Variants in CR2 observed in about 807,000 individuals in gnomAD.
The protein encoded by CR2 is complement receptor type 2.
Under a neutral mutation model 123.0 loss-of-function variants are expected in CR2, and 96 were observed. The observed-to-expected ratio is 0.78, with a 90% CI of 0.66 to 0.93. CR2 has a LOEUF of 0.93. Ranked by LOEUF, CR2 falls within the 40% of genes least tolerant of loss-of-function variation. CR2 has a pLI of 0.00. For synonymous variants in CR2, 484 were observed against 469.5 expected (o/e 1.03, Z -0.40); for missense variants, 1,258 against 1,361.0 (o/e 0.92, Z 1.19).
At chr1:207,487,086 C>T (rs1186944071) in intron 19 of CR2, among the ~76,000 whole-genome samples, 3 of 152,140 alleles carry the variant, frequency 2.0e-5, no homozygotes. Flanking sequence ...GCCCTGGATC[C>T]TCCAACATTA....
intron 1 of CR2, among the ~76,000 whole-genome samples, chr1:207,458,063 C>CACACACACACACACACACACACACACAT (rs1657877939): frequency 7.4e-6 from 1 of 134,622 alleles, no homozygotes; most frequent in Non-Finnish European, 1.6e-5. Context: ...GGCCACAACA[C>CACACACACACACACACACACACACACAT]ACACACACAC....
intron 1 of CR2, among the ~76,000 whole-genome samples, chr1:207,456,566 G>A (rs1657839885): frequency 6.6e-6 from 1 of 152,126 alleles, no homozygotes; most frequent in Non-Finnish European, 1.5e-5. Context: ...TTGTCTATTT[G>A]CATAAACAGT....
chr1:207,479,147 TG>T, intron 16 of CR2, 109 bp from the exon 17 acceptor site: 2 of 871,950 alleles, frequency 2.3e-6, no homozygotes. Context: ...TAAATCGACT[TG>T]GAAGGGAGCT....
intron 14 of CR2, among the ~76,000 whole-genome samples, chr1:207,476,019 T>C (rs1040468398): frequency 1.3e-5 from 2 of 152,232 alleles, no homozygotes; most frequent in Non-Finnish European, 2.9e-5. Context: ...CATTATCTTA[T>C]TTTTTAACAC....
Position 207,454,388 on chromosome 1 carries a change from C to G in CR2, c.-31C>G. 1.9e-6 allele frequency: 3 copies of G among 1,557,466 alleles called. No individual in the cohort carries two copies. The highest frequency in any genetic ancestry group is 2.6e-6 in the Non-Finnish European group (3 of 1,157,124). ...TGCCGGACGCTCGCGGGTCTCGGAA[C>G]GCATCCCGCCGCGGGGGCTTCGGCC... is the stretch of plus-strand genomic sequence containing the variant. On this transcript the variant is annotated 5_prime_UTR_variant, in exon 1 of 20. Transcript: ENST00000367057. This position sits in a 1 kb window ranked among gnomAD's most constrained non-coding sequence, Gnocchi z 4.3.
At chr1:207,471,285 A>T (rs1450013815) in intron 8 of CR2, 138 bp from the exon 9 acceptor site, 1 of 891,304 alleles carries the variant, frequency 1.1e-6, no homozygotes, top group African/African-American at 1.6e-5. Context: ...TGCAATGAGA[A>T]GTTGGTGCTG....
intron 2 of CR2, chr1:207,468,325 T>G (rs1426951469): frequency 3.3e-6 from 2 of 605,590 alleles, no homozygotes; most frequent in Middle Eastern, 4.4e-4. Flanking sequence ...ATAAACTTTC[T>G]TAAACCATTA....
intron 6 of CR2, among the ~76,000 whole-genome samples, 192 bp downstream of exon 6, chr1:207,470,294 T>C (rs542760352): frequency 6.6e-6 from 1 of 152,232 alleles, no homozygotes; most frequent in East Asian, 1.9e-4. Flanking sequence ...TGTGGGAATA[T>C]GCTTGGAAAA....
Position 207,454,871 on chromosome 1 carries a change from G to A in CR2, c.58+395G>A. ...TACCCACTGCATGAGGCACCAGCTAGCCACGTGAGGCTGTTTCTGTACACC... is the reference window on the plus strand; with the variant it reads ...TACCCACTGCATGAGGCACCAGCTAACCACGTGAGGCTGTTTCTGTACACC... On this transcript the variant is annotated intron_variant, in intron 1 of 19. Transcript: ENST00000367057. The surrounding 1 kb of genome is among the most constrained non-coding windows in gnomAD (Gnocchi z 4.3). 1 of 187,510 alleles carries A rather than the reference G, an allele frequency of 5.3e-6. No individual in the cohort carries two copies. The highest frequency in any genetic ancestry group is 1.1e-5 in the Non-Finnish European group (1 of 90,262). The allele number at this position is 187,510 out of a possible 1,614,324, so 11.6% of individuals were successfully genotyped here. A position where few individuals can be genotyped will look rare whatever the true frequency, so the allele number is the denominator to read the frequency against.
chr1:207,460,460 T>C (rs780584989), intron 1 of CR2, among the ~76,000 whole-genome samples: 12 of 152,198 alleles, frequency 7.9e-5, no homozygotes, highest in Admixed American at 7.9e-4. Context: ...TCCATGTTTA[T>C]ACTTTGACTT....
In CR2 at chr1:207,471,341, G is replaced by C. The variant is rs551964587; in HGVS notation, c.1494-82G>C. 9.9e-6 allele frequency: 11 copies of C among 1,107,436 alleles called. No homozygotes were observed. The African/African-American group carries it at 1.7e-4, about 17-fold the overall frequency. 68.6% of individuals were successfully genotyped at this position (1,107,436 alleles called of 1,614,324 possible). Reference sequence around the variant, plus strand: ...GCTATTGCTTCTTGGCCTGAAAGTAGTGAGTCTGCTTGGGAGCCATGGCTC... The same window carrying C: ...GCTATTGCTTCTTGGCCTGAAAGTACTGAGTCTGCTTGGGAGCCATGGCTC... On this transcript the variant is annotated intron_variant, in intron 8 of 19. Coordinates refer to ENST00000367057, the MANE Select transcript of CR2 (RefSeq NM_001006658.3).
In CR2 at chr1:207,479,279, T is replaced by G. The variant is rs978563309; in HGVS notation, c.3111T>G (p.Cys1037Trp). Reference sequence around the variant, plus strand: ...TAGGTTCACTTGCTCCTGTCCTTTGTGGTAAGTCTTCTTAAATACTTGAAG... The same window carrying G: ...TAGGTTCACTTGCTCCTGTCCTTTGGGGTAAGTCTTCTTAAATACTTGAAG... The part of the protein sequence containing the change: ...CRSRSLAPVL[C>W]GIAAGLILLT... Residue 1037 changes from cysteine (C) to tryptophan (W), a missense_variant and splice_region_variant, in exon 17 of 20, where the codon TGT becomes TGG. Cys to Trp is a radical substitution (Grantham distance 215). Transcript: ENST00000367057. The G allele has an allele frequency of 1.9e-5, 31 of 1,596,628 alleles. No homozygotes were observed. Among genetic ancestry groups the G allele is most frequent in the Non-Finnish European group, 2.6e-5 (30 of 1,164,934 alleles).
At chr1:207,463,928 T>A (rs1658026529) in intron 1 of CR2, among the ~76,000 whole-genome samples, 1 of 152,162 alleles carries the variant, frequency 6.6e-6, no homozygotes, top group African/African-American at 2.4e-5. Flanking sequence ...CCAGGAGGGT[T>A]TACACTTGGT....
Position 207,454,733 on chromosome 1 carries a change from C to A in CR2, c.58+257C>A. The stretch of plus-strand genomic sequence containing the variant: ...GCGCTGTCTGGTCGGCCCGGTGTGG[C>A]TGGCGGCGTGCGGGTGCTCGCGGTC... On this transcript the variant is annotated intron_variant, in intron 1 of 19. Coordinates refer to ENST00000367057, the MANE Select transcript of CR2 (RefSeq NM_001006658.3). The surrounding 1 kb of genome is among the most constrained non-coding windows in gnomAD (Gnocchi z 4.3). 2.4e-6 allele frequency: 1 copy of A among 420,010 alleles called. No individual in the cohort carries two copies. Among genetic ancestry groups the A allele is most frequent in the Non-Finnish European group, 4.2e-6 (1 of 236,018 alleles). 26.0% of individuals were successfully genotyped at this position (420,010 alleles called of 1,614,324 possible).
Position 207,469,872 on chromosome 1 carries a change from C to T in CR2, c.995C>T (p.Thr332Ile). ...TLRCTVDSQK[T>I]GTWSGPAPRC... The stretch of plus-strand genomic sequence containing the variant: ...CGTTGTACAGTTGATAGTCAGAAGA[C>T]TGGGACCTGGAGTGGCCCTGCCCCA... The change falls in exon 6 of 20, where the codon ACT (threonine) becomes ATT (isoleucine). Residue 332 changes from threonine (T) to isoleucine (I), a missense_variant. Physicochemically the swap from Thr to Ile is moderately conservative, Grantham distance 89. Coordinates refer to ENST00000367057, the MANE Select transcript of CR2 (RefSeq NM_001006658.3). 6.2e-7 allele frequency: 1 copy of T among 1,613,980 alleles called. No homozygotes were observed. Among genetic ancestry groups the T allele is most frequent in the Non-Finnish European group, 8.5e-7 (1 of 1,179,940 alleles).
chr1:207,488,136 TG>T lies in CR2; in HGVS notation c.*19-1005del, dbSNP rs548387841. 2.2e-4 allele frequency among the ~76,000 whole-genome samples: 33 copies of T among 152,348 alleles called. 1 individual carries two copies. In the East Asian group the frequency reaches 5.8e-3, roughly 27 times the overall value. Reference sequence around the variant, plus strand: ...GAAGGTTTACTCTGTCCGGGGATTATGTGACAGTCTTTCATGCCTTCTCTTA... The same window carrying T: ...GAAGGTTTACTCTGTCCGGGGATTATTGACAGTCTTTCATGCCTTCTCTTA... On this transcript the variant is annotated intron_variant, in intron 19 of 19. Transcript: ENST00000367057.
chr1:207,478,834 A>C (rs1282436743), intron 16 of CR2, among the ~76,000 whole-genome samples: 1 of 152,080 alleles, frequency 6.6e-6, no homozygotes, highest in Non-Finnish European at 1.5e-5. Flanking sequence ...TCTGATTATA[A>C]AGTTGAGTAT....
rs1658831761 is a variant in CR2, at chr1:207,489,511, T to C, written c.*388T>C. The C allele has an allele frequency of 6.6e-6, 1 of 152,226 alleles. No individual in the cohort carries two copies. Among genetic ancestry groups the C allele is most frequent in the Non-Finnish European group, 1.5e-5 (1 of 68,030 alleles). 9.4% of individuals were successfully genotyped at this position (152,226 alleles called of 1,614,324 possible). A position where few individuals can be genotyped will look rare whatever the true frequency, so the allele number is the denominator to read the frequency against. On this transcript the variant is annotated 3_prime_UTR_variant, in exon 20 of 20. Transcript: ENST00000367057. ...ACTCAATGTTACTATCTGCTTTTGG[T>C]TATAATGTGTTTTTAATTATCTAAA... is the stretch of plus-strand genomic sequence containing the variant.
At chr1:207,474,003 G>A (rs889310559) in intron 12 of CR2, 118 bp downstream of exon 12, 4 of 987,536 alleles carry the variant, frequency 4.1e-6, no homozygotes, top group Non-Finnish European at 6.3e-6. Flanking sequence ...CAGGCATGGA[G>A]AATATGAGGT....
Sources: allele counts gnomAD v4.1 joint callset (sites outside exome capture counted in the v4.1 genomes callset), GRCh38; gene constraint gnomAD v4.1.1; non-coding constraint Gnocchi (gnomAD v3.1); transcripts MANE v1.5; gene names NCBI Gene and HGNC (gene_info 2026-07-23, HGNC 2026-07-21).